The following WDSUB1 variants were observed in gnomAD, a reference collection of about 807,000 sequenced individuals.
The protein encoded by WDSUB1 is WD repeat, sterile alpha motif and U-box domain containing 1, also known as WD repeat, SAM and U-box domain-containing protein 1.
Under a neutral mutation model 53.9 loss-of-function variants are expected in WDSUB1, and 49 were observed. The observed-to-expected ratio is 0.91, with a 90% CI of 0.72 to 1.15. WDSUB1 has a LOEUF of 1.15. Among genes scored for constraint, WDSUB1 ranks in the 50% most tolerant of loss-of-function variants. WDSUB1 has a pLI of 0.00. For missense variants in WDSUB1, 514 were observed against 562.0 expected (o/e 0.91, Z 0.86); for synonymous variants, 194 against 200.6 (o/e 0.97, Z 0.28).
intron 10 of WDSUB1, among the ~76,000 whole-genome samples, chr2:159,244,150 T>A (rs982318823): frequency 2.4e-4 from 36 of 152,250 alleles, no homozygotes; most frequent in Non-Finnish European, 4.1e-4. Context: ...ATGCTTTCCC[T>A]CTAAGTGCAG....
rs539539232 is a variant in WDSUB1, at chr2:159,241,326, C to T, written c.1274-5136G>A. On this transcript the variant is annotated intron_variant, in intron 10 of 10. Transcript: ENST00000359774. ...AACATAAGATGATTCTAAAATTTAT[C>T]TTGGCTGGGCACATCACTTGAGGTC... Among the ~76,000 whole-genome samples the T allele has an allele frequency of 1.8e-4, 27 of 152,298 alleles. No homozygotes were observed. The South Asian group carries it at 5.4e-3, about 30-fold the overall frequency.
chr2:159,271,646 G>T, intron 5 of WDSUB1, 56 bp downstream of exon 5: 3 of 1,411,150 alleles, frequency 2.1e-6, no homozygotes, highest in South Asian at 1.2e-5. Context: ...ACTTTTCCGT[G>T]TGTCTGTTTG....
intron 9 of WDSUB1, among the ~76,000 whole-genome samples, chr2:159,253,154 ACT>A: frequency 6.6e-6 from 1 of 152,224 alleles, no homozygotes; most frequent in East Asian, 1.9e-4. Flanking sequence ...TGACTTTCCT[ACT>A]CTTAACCTTT....
chr2:159,264,402 T>C (rs895062607), intron 5 of WDSUB1, among the ~76,000 whole-genome samples: 6 of 152,230 alleles, frequency 3.9e-5, no homozygotes, highest in Non-Finnish European at 7.3e-5. Flanking sequence ...CAGCTAGTCA[T>C]TGCTGAGCAA....
intron 4 of WDSUB1, among the ~76,000 whole-genome samples, 171 bp downstream of exon 4, chr2:159,275,375 A>G (rs904758952): frequency 3.3e-5 from 5 of 152,240 alleles, no homozygotes; most frequent in African/African-American, 1.2e-4. Context: ...GGTCATGATC[A>G]TCAATGAGCA....
chr2:159,258,099 GTAAC>G (rs776209044), intron 6 of WDSUB1, 114 bp from the exon 7 acceptor site: 58 of 879,048 alleles, frequency 6.6e-5, no homozygotes, highest in Non-Finnish European at 9.4e-5. Context: ...ATATTTATTA[GTAAC>G]TAACATAAGT....
intron 1 of WDSUB1, among the ~76,000 whole-genome samples, chr2:159,284,393 T>C (rs1252256657): frequency 6.6e-6 from 1 of 152,190 alleles, no homozygotes; most frequent in African/African-American, 2.4e-5. Flanking sequence ...ACTCAAAAAG[T>C]ATTTTCTATT....
chr2:159,268,241 CACAA>C (rs1239642665), intron 5 of WDSUB1, among the ~76,000 whole-genome samples: 1 of 152,186 alleles, frequency 6.6e-6, no homozygotes, highest in African/African-American at 2.4e-5. Context: ...TCTTCAAGAG[CACAA>C]ACACTGTCTT....
chr2:159,264,566 C>T (rs2061297535), intron 5 of WDSUB1, among the ~76,000 whole-genome samples: 1 of 152,180 alleles, frequency 6.6e-6, no homozygotes, highest in Non-Finnish European at 1.5e-5. Context: ...TCTTTCCTCC[C>T]TCTCATGCCT....
At position 159,283,095 on chromosome 2, in the gene WDSUB1, T is replaced by C; in HGVS notation, c.-24-2A>G. ...GTTCTTTATTTGAAGAAAAACAGCC[T>C]GAAATTTTTAAGCAGATAAAGATTA... On this transcript the variant is annotated splice_acceptor_variant, in intron 1 of 10. Transcript: ENST00000359774. LOFTEE classifies it low-confidence loss of function (5UTR_SPLICE). 4 of 1,578,518 alleles carry C rather than the reference T, an allele frequency of 2.5e-6. No individual in the cohort carries two copies. Among genetic ancestry groups the C allele is most frequent in the Non-Finnish European group, 3.4e-6 (4 of 1,160,032 alleles).
intron 9 of WDSUB1, among the ~76,000 whole-genome samples, chr2:159,248,869 G>C (rs954586706): frequency 6.6e-6 from 1 of 152,200 alleles, no homozygotes; most frequent in African/African-American, 2.4e-5. Flanking sequence ...TCCTCTCAAA[G>C]TGCTGGGATT....
chr2:159,260,849 A>C (rs1057512166), intron 5 of WDSUB1, among the ~76,000 whole-genome samples: 2 of 152,200 alleles, frequency 1.3e-5, no homozygotes, highest in Admixed American at 6.5e-5. Context: ...GTGGTACCAC[A>C]CTCTGCAGAA....
chr2:159,269,136 T>C (rs1403675086), intron 5 of WDSUB1, among the ~76,000 whole-genome samples: 2 of 151,638 alleles, frequency 1.3e-5, no homozygotes, highest in Non-Finnish European at 2.9e-5. Flanking sequence ...ATAAGAATTT[T>C]CCAAAAGTGG....
At chr2:159,246,600 T>C in intron 10 of WDSUB1, among the ~76,000 whole-genome samples, 1 of 152,288 alleles carries the variant, frequency 6.6e-6, no homozygotes, top group African/African-American at 2.4e-5. Context: ...GTAGTCCCTT[T>C]AAACATTCGC....
At position 159,283,030 on chromosome 2, in the gene WDSUB1, C is replaced by T. The variant is rs779023403; in HGVS notation, c.40G>A (p.Asp14Asn). ...LIHTLADHGD[D>N]VNCCAFSFSL... ...AAGGAGAAGGCACAGCAGTTGACAT[C>T]GTCACCATGATCAGCTAATGTGTGA... Residue 14 changes from aspartate to asparagine, a missense_variant, in exon 2 of 11, where the codon GAT becomes AAT. Coordinates refer to ENST00000359774, the MANE Select transcript of WDSUB1 (RefSeq NM_001128212.3). The T allele has an allele frequency of 1.2e-6, 2 of 1,613,714 alleles. No individual in the cohort carries two copies. Among genetic ancestry groups the T allele is most frequent in the East Asian group, 2.2e-5 (1 of 44,884 alleles).
In WDSUB1 at chr2:159,256,341, G is replaced by A. The variant is rs773626579; in HGVS notation, c.987C>T (p.Thr329=). Residue 329 remains threonine (T), a synonymous_variant, in exon 9 of 11, where the codon ACC becomes ACT. Transcript: ENST00000359774. ...RRTEHQLKQF[T]EDWSEEDVST... ...AGACATCCTCCTCTGACCAATCTTC[G>A]GTAAATTGCTTCAGCTGATGTTCTG... 3.2e-5 allele frequency: 52 copies of A among 1,609,866 alleles called. No homozygotes were observed. Among genetic ancestry groups the A allele is most frequent in the East Asian group, 4.5e-5 (2 of 44,648 alleles).
At chr2:159,267,789 T>C (rs927571812) in intron 5 of WDSUB1, among the ~76,000 whole-genome samples, 6 of 152,348 alleles carry the variant, frequency 3.9e-5, no homozygotes, top group Middle Eastern at 6.8e-3. Context: ...CATTAACTAA[T>C]TGACCTATTT....
At chr2:159,255,444 G>T (rs2061041919) in intron 9 of WDSUB1, among the ~76,000 whole-genome samples, 1 of 152,016 alleles carries the variant, frequency 6.6e-6, no homozygotes, top group South Asian at 2.1e-4. Flanking sequence ...ACCGGCCTGG[G>T]TGACAGAGCG....
intron 5 of WDSUB1, among the ~76,000 whole-genome samples, chr2:159,267,718 C>T (rs545862973): frequency 3.3e-5 from 5 of 152,264 alleles, no homozygotes; most frequent in Admixed American, 2.0e-4. Context: ...TTTAGTCTCC[C>T]TCTTTCCCAT....
Sources: allele counts gnomAD v4.1 joint callset (sites outside exome capture counted in the v4.1 genomes callset), GRCh38; gene constraint gnomAD v4.1.1; transcripts MANE v1.5; gene names NCBI Gene and HGNC (gene_info 2026-07-23, HGNC 2026-07-21).